ZNF90: variants seen among roughly 807,000 people sequenced by gnomAD.
ZNF90 encodes zinc finger protein 90.
ZNF90 carries 11 observed loss-of-function variants against 12.0 expected under a neutral mutation model. The ratio of observed to expected loss-of-function variants is 0.92; its 90% CI spans 0.58 to 1.52. The LOEUF (loss-of-function observed/expected upper bound fraction) is 1.52, where lower values mean the gene tolerates loss of function less well. ZNF90 is among the 40% of genes most tolerant of loss of function. The probability of loss-of-function intolerance (pLI) is 0.00; values close to 1 mark genes in which losing one functional copy is unlikely to be tolerated. For missense variants in ZNF90, 765 were observed against 711.5 expected, an observed-to-expected ratio of 1.08 and a Z score of -0.86; for synonymous variants, 232 against 240.1, an observed-to-expected ratio of 0.97 and a Z score of 0.31.
intron 1 of ZNF90, among the ~76,000 whole-genome samples, chr19:20,095,350 C>G (rs1319363023): frequency 3.3e-5 from 5 of 152,024 alleles, no homozygotes; most frequent in Non-Finnish European, 5.9e-5. Context: ...GTATTGGGGC[C>G]AAGCAGTGTT....
At position 20,097,800 on chromosome 19, in the gene ZNF90, G is replaced by C. The variant is rs373267767; in HGVS notation, c.4-6439G>C. ...TCAAATGTATGTATCTGTTGAAACT[G>C]TTCACAATTGCCACAAGTAGTTATA... On this transcript the variant is annotated intron_variant, in intron 1 of 3. Coordinates refer to ENST00000418063, the MANE Select transcript of ZNF90 (RefSeq NM_007138.2). Among the ~76,000 whole-genome samples, 48 of 152,286 alleles carry C rather than the reference G, an allele frequency of 3.2e-4. No homozygotes were observed. In the South Asian group the frequency reaches 6.6e-3, roughly 21 times the overall value.
intron 3 of ZNF90, among the ~76,000 whole-genome samples, chr19:20,110,239 T>C (rs577340957): frequency 7.9e-5 from 12 of 152,286 alleles, no homozygotes; most frequent in African/African-American, 2.9e-4. Context: ...ACAATAAACA[T>C]GGATTTTCAA....
At chr19:20,105,140 C>T (rs2089023820) in intron 2 of ZNF90, 81 bp from the exon 3 acceptor site, 1 of 1,028,418 alleles carries the variant, frequency 9.7e-7, no homozygotes, top group Non-Finnish European at 1.3e-6. Flanking sequence ...TATTTTATCA[C>T]ATCTTCTCTG....
intron 3 of ZNF90, among the ~76,000 whole-genome samples, chr19:20,108,058 CTT>C (rs1355113091): frequency 6.6e-6 from 1 of 152,036 alleles, no homozygotes; most frequent in Admixed American, 6.6e-5. Context: ...TAAGTCTACT[CTT>C]TTCTTCTAAA....
chr19:20,089,869 C>T (rs2088888432), intron 1 of ZNF90, among the ~76,000 whole-genome samples: 1 of 152,104 alleles, frequency 6.6e-6, no homozygotes, highest in East Asian at 1.9e-4. Context: ...AGCAGTTGTT[C>T]GCCAAGGAGG....
intron 3 of ZNF90, among the ~76,000 whole-genome samples, chr19:20,114,695 A>C (rs1174106934): frequency 6.6e-6 from 1 of 152,186 alleles, no homozygotes; most frequent in Non-Finnish European, 1.5e-5. Flanking sequence ...TTGGCCTAAC[A>C]GGTGGTCCAT....
chr19:20,113,561 G>C (rs1555705368), intron 3 of ZNF90, among the ~76,000 whole-genome samples: 1 of 151,946 alleles, frequency 6.6e-6, no homozygotes, highest in Non-Finnish European at 1.5e-5. Flanking sequence ...CGTGTGCGGT[G>C]GCTCACGATT....
intron 3 of ZNF90, among the ~76,000 whole-genome samples, chr19:20,113,278 C>T (rs986804580): frequency 2.6e-5 from 4 of 151,900 alleles, no homozygotes; most frequent in Admixed American, 1.3e-4. Flanking sequence ...ACAACCTCTG[C>T]CTCCTGGGTT....
intron 1 of ZNF90, among the ~76,000 whole-genome samples, chr19:20,085,859 T>C (rs75781063): frequency 0.015 from 2,268 of 152,326 alleles, 53 homozygotes; most frequent in African/African-American, 0.052. Context: ...ACTTCAGATT[T>C]ATTACTTTGT....
At chr19:20,113,658 C>A (rs2089110886) in intron 3 of ZNF90, among the ~76,000 whole-genome samples, 1 of 151,928 alleles carries the variant, frequency 6.6e-6, no homozygotes, top group South Asian at 2.1e-4. Context: ...TGAAACCCGT[C>A]TGTACTAAAA....
intron 1 of ZNF90, among the ~76,000 whole-genome samples, chr19:20,088,053 C>T (rs966160557): frequency 1.3e-5 from 2 of 152,266 alleles, no homozygotes; most frequent in South Asian, 4.1e-4. Flanking sequence ...TTTTGTGATT[C>T]TTCAGTTACT....
intron 3 of ZNF90, among the ~76,000 whole-genome samples, chr19:20,117,397 CTCCTTCCT>C (rs1197197056): frequency 2.4e-4 from 22 of 91,346 alleles, no homozygotes; most frequent in Non-Finnish European, 3.7e-4. Context: ...CTTTTCTTTT[CTCCTTCCT>C]TCCTTCCTTC....
chr19:20,089,522 A>C (rs1173112759), intron 1 of ZNF90, among the ~76,000 whole-genome samples: 1 of 152,210 alleles, frequency 6.6e-6, no homozygotes, highest in Non-Finnish European at 1.5e-5. Context: ...AAGATTACCT[A>C]GGGGAATTCC....
chr19:20,111,615 T>G (rs1032129211), intron 3 of ZNF90, among the ~76,000 whole-genome samples: 2 of 152,138 alleles, frequency 1.3e-5, no homozygotes, highest in Non-Finnish European at 2.9e-5. Flanking sequence ...CATTTCCTAT[T>G]TTATTTTCTT....
At chr19:20,102,481 C>T (rs560872861) in intron 1 of ZNF90, among the ~76,000 whole-genome samples, 1 of 152,288 alleles carries the variant, frequency 6.6e-6, no homozygotes, top group South Asian at 2.1e-4. Flanking sequence ...GTGGTGTTAG[C>T]GATAAGGCCC....
intron 1 of ZNF90, among the ~76,000 whole-genome samples, chr19:20,102,566 T>C (rs1304040860): frequency 1.3e-5 from 2 of 152,224 alleles, no homozygotes; most frequent in Admixed American, 6.5e-5. Flanking sequence ...AGAAGTATAT[T>C]TGCCTTGCTG....
intron 1 of ZNF90, among the ~76,000 whole-genome samples, chr19:20,078,453 C>G (rs1169701391): frequency 6.6e-6 from 1 of 151,990 alleles, no homozygotes; most frequent in African/African-American, 2.4e-5. Context: ...ACTCGGGGTG[C>G]AGGTTCATGA....
chr19:20,083,914 C>T (rs1234928226), intron 1 of ZNF90, among the ~76,000 whole-genome samples: 2 of 151,940 alleles, frequency 1.3e-5, no homozygotes, highest in Non-Finnish European at 2.9e-5. Flanking sequence ...CACCCCTGGC[C>T]AATTTTTCTT....
At chr19:20,085,515 C>T (rs532939976) in intron 1 of ZNF90, among the ~76,000 whole-genome samples, 47 of 152,288 alleles carry the variant, frequency 3.1e-4, no homozygotes, top group Admixed American at 2.3e-3. Context: ...CCGCCTCGGC[C>T]TCCCAAAGTG....
Sources: allele counts gnomAD v4.1 joint callset (sites outside exome capture counted in the v4.1 genomes callset), GRCh38; gene constraint gnomAD v4.1.1; transcripts MANE v1.5; gene names NCBI Gene and HGNC (gene_info 2026-07-23, HGNC 2026-07-21).